The following CHM variants were observed in gnomAD, a reference collection of about 807,000 sequenced individuals.
CHM encodes rab proteins geranylgeranyltransferase component A 1.
Under a neutral mutation model 49.0 loss-of-function variants are expected in CHM, and 10 were observed. That is an observed-to-expected ratio of 0.20 (90% CI 0.13 to 0.35). CHM has a LOEUF of 0.35. Ranked by LOEUF, CHM falls within the 10% of genes least tolerant of loss-of-function variation. The probability of loss-of-function intolerance (pLI) is 1.00; values close to 1 mark genes in which losing one functional copy is unlikely to be tolerated. For missense variants in CHM, 455 were observed against 478.4 expected (o/e 0.95, Z 0.46); for synonymous variants, 184 against 167.5 (o/e 1.10, Z -0.76).
chrX:85,870,698 T>C (rs1168015993), intron 14 of CHM, among the ~76,000 whole-genome samples: 1 of 111,550 alleles, frequency 9.0e-6, no homozygotes, highest in African/African-American at 3.3e-5. Flanking sequence ...AAAAGAGATA[T>C]ATCAGATGTC....
chrX:85,928,320 ATAATC>A (rs1928211713), intron 8 of CHM, among the ~76,000 whole-genome samples: 2 of 111,945 alleles, frequency 1.8e-5, no homozygotes, highest in South Asian at 7.5e-4. Flanking sequence ...AGGCAGGCAG[ATAATC>A]TGAGGTCAGG....
At chrX:85,907,676 T>C (rs1377988830) in intron 9 of CHM, among the ~76,000 whole-genome samples, 1 of 111,942 alleles carries the variant, frequency 8.9e-6, no homozygotes, top group African/African-American at 3.2e-5. Context: ...CCCTATTTCT[T>C]CGGTCAAAGT....
chrX:86,045,087 C>T (rs986478361), intron 1 of CHM, among the ~76,000 whole-genome samples: 1 of 111,651 alleles, frequency 9.0e-6, no homozygotes, highest in Non-Finnish European at 1.9e-5. Flanking sequence ...GCAATTGTTC[C>T]TTTATGACAT....
Position 85,901,069 on chromosome X carries a change from T to C in CHM, c.1349+15A>G, listed in dbSNP as rs750859296. The C allele has an allele frequency of 2.7e-6, 3 of 1,108,376 alleles. No individual in the cohort carries two copies. In the South Asian group the frequency reaches 5.6e-5, roughly 21 times the overall value. The allele number at this position is 1,108,376 out of a possible 1,213,427, so 91.3% of individuals were successfully genotyped here. A position where few individuals can be genotyped will look rare whatever the true frequency, so the allele number is the denominator to read the frequency against. On this transcript the variant is annotated intron_variant, in intron 10 of 14. Coordinates refer to ENST00000357749, the MANE Select transcript of CHM (RefSeq NM_000390.4). ...AAAATTACCTTCGCTTGCTAATGGGTGGAGGGGGCCTTACCTGTATTGCAC... is the reference window on the plus strand; with the variant it reads ...AAAATTACCTTCGCTTGCTAATGGGCGGAGGGGGCCTTACCTGTATTGCAC...
intron 4 of CHM, among the ~76,000 whole-genome samples, chrX:85,973,300 C>CAAAAA (rs58103002): frequency 0.045 from 736 of 16,340 alleles, 137 homozygotes; most frequent in Admixed American, 0.13. Context: ...TCTGTCTCGA[C>CAAAAA]AAAAAAAAAA....
At chrX:85,925,583 G>T (rs1228768180) in intron 8 of CHM, among the ~76,000 whole-genome samples, 1 of 111,163 alleles carries the variant, frequency 9.0e-6, no homozygotes, top group East Asian at 2.8e-4. Flanking sequence ...ATCTCTATAA[G>T]ATTTCTTTTG....
intron 12 of CHM, among the ~76,000 whole-genome samples, chrX:85,892,614 G>A (rs1201248561): frequency 9.0e-6 from 1 of 110,987 alleles, no homozygotes; most frequent in Non-Finnish European, 1.9e-5. Context: ...TCTCAATTTC[G>A]GGTAGGTTTT....
chrX:85,948,166 A>G (rs926323236), intron 8 of CHM, among the ~76,000 whole-genome samples: 6 of 112,302 alleles, frequency 5.3e-5, no homozygotes, highest in African/African-American at 1.9e-4. Flanking sequence ...AACTTATTCC[A>G]AACTAGAATG....
chrX:85,953,502 C>T (rs540578381), intron 8 of CHM, among the ~76,000 whole-genome samples: 1 of 111,480 alleles, frequency 9.0e-6, no homozygotes, highest in African/African-American at 3.3e-5. Flanking sequence ...GGAGGAATCA[C>T]ATTACCTTAT....
chrX:85,895,681 C>T (rs187507057), intron 11 of CHM, among the ~76,000 whole-genome samples: 221 of 111,681 alleles, frequency 2.0e-3, no homozygotes, highest in African/African-American at 6.6e-3. Flanking sequence ...CATGACTATC[C>T]TACTTTTATG....
chrX:86,042,088 G>A (rs1934488740), intron 1 of CHM, among the ~76,000 whole-genome samples: 1 of 110,358 alleles, frequency 9.1e-6, no homozygotes, highest in Non-Finnish European at 1.9e-5. Flanking sequence ...ATCCCCCAAG[G>A]CTTACAGAAG....
At chrX:85,963,187 C>A (rs1374458775) in intron 5 of CHM, among the ~76,000 whole-genome samples, 2 of 111,502 alleles carry the variant, frequency 1.8e-5, no homozygotes, top group Admixed American at 1.9e-4. Context: ...TAACCCCCAA[C>A]CCCGACAGGC....
chrX:85,944,046 G>A (rs1442977273), intron 8 of CHM, among the ~76,000 whole-genome samples: 2 of 111,727 alleles, frequency 1.8e-5, no homozygotes, highest in Non-Finnish European at 3.8e-5. Context: ...ATCGGGGGCA[G>A]ACACTAAAAT....
intron 2 of CHM, among the ~76,000 whole-genome samples, chrX:85,994,824 C>A (rs2147735724): frequency 9.0e-6 from 1 of 111,484 alleles, no homozygotes; most frequent in Admixed American, 9.5e-5. Flanking sequence ...AAAAAGCTTT[C>A]TCTTTATTTT....
chrX:85,933,352 C>G (rs181818760), intron 8 of CHM, among the ~76,000 whole-genome samples: 21 of 112,085 alleles, frequency 1.9e-4, no homozygotes, highest in African/African-American at 6.8e-4. Context: ...ATTCTAAGAG[C>G]TTTGCAAATA....
chrX:85,964,141 G>T, intron 4 of CHM, 89 bp from the exon 5 acceptor site: 1 of 775,669 alleles, frequency 1.3e-6, no homozygotes, highest in South Asian at 2.7e-5. Context: ...TTGCTTATGT[G>T]ACTCAGACAT....
At chrX:85,934,556 T>C (rs778505661) in intron 8 of CHM, among the ~76,000 whole-genome samples, 2 of 107,642 alleles carry the variant, frequency 1.9e-5, no homozygotes, top group South Asian at 4.3e-4. Flanking sequence ...GTCCTTGCGA[T>C]AGTTTGCTCA....
intron 8 of CHM, among the ~76,000 whole-genome samples, chrX:85,911,665 G>A (rs1927035700): frequency 9.1e-6 from 1 of 110,377 alleles, no homozygotes; most frequent in East Asian, 2.9e-4. Context: ...AGCTTCAAGA[G>A]GTAATGCATG....
chrX:85,938,411 T>A (rs1025365161), intron 8 of CHM, among the ~76,000 whole-genome samples: 1 of 111,824 alleles, frequency 8.9e-6, no homozygotes, highest in Non-Finnish European at 1.9e-5. Flanking sequence ...TTCCATAGTT[T>A]ATAAGAATTC....
Sources: gnomAD v4.1 joint callset for allele counts (sites outside exome capture counted in the v4.1 genomes callset) on GRCh38, gnomAD v4.1.1 for gene constraint, MANE v1.5 for transcripts, NCBI Gene and HGNC (gene_info 2026-07-23, HGNC 2026-07-21) for gene names.